The following KCNIP4 variants were observed in gnomAD, a reference collection of about 807,000 sequenced individuals.
KCNIP4 encodes Kv channel-interacting protein 4.
KCNIP4 carries 12 observed loss-of-function variants against 34.0 expected under a neutral mutation model. The ratio of observed to expected loss-of-function variants is 0.35; its 90% CI spans 0.23 to 0.57. The LOEUF is 0.57. Ranked by LOEUF, KCNIP4 falls within the 20% of genes least tolerant of loss-of-function variation. The pLI is 0.83. For synonymous variants in KCNIP4, 124 were observed against 102.2 expected (o/e 1.21, Z -1.29); for missense variants, 238 against 311.7 (o/e 0.76, Z 1.78).
At chr4:21,039,474 A>C (rs1253568414) in intron 1 of KCNIP4, among the ~76,000 whole-genome samples, 1 of 152,148 alleles carries the variant, frequency 6.6e-6, no homozygotes, top group Non-Finnish European at 1.5e-5. Context: ...TCTCCTCTGC[A>C]AGAAACCCTT....
chr4:21,433,399 C>T (rs190790647), intron 1 of KCNIP4, among the ~76,000 whole-genome samples: 14 of 152,058 alleles, frequency 9.2e-5, no homozygotes, highest in East Asian at 7.7e-4. Flanking sequence ...ACCAGGAGTT[C>T]GAGGCCAGCC....
chr4:21,726,912 C>A (rs1450592286), intron 1 of KCNIP4, among the ~76,000 whole-genome samples: 1 of 152,132 alleles, frequency 6.6e-6, no homozygotes, highest in African/African-American at 2.4e-5. Flanking sequence ...AAAGTAGATT[C>A]TTCCATTATT....
intron 1 of KCNIP4, among the ~76,000 whole-genome samples, chr4:21,936,553 A>G (rs568761647): frequency 1.3e-5 from 2 of 152,134 alleles, no homozygotes; most frequent in African/African-American, 2.4e-5. Context: ...GAGAAGTACC[A>G]TATCAACAGA....
chr4:21,097,441 C>A (rs1747563391), intron 1 of KCNIP4, among the ~76,000 whole-genome samples: 1 of 152,032 alleles, frequency 6.6e-6, no homozygotes, highest in Non-Finnish European at 1.5e-5. Context: ...TTTTGGCAAC[C>A]CTGCATGGAG....
chr4:21,838,902 A>T (rs1016138023), intron 1 of KCNIP4, among the ~76,000 whole-genome samples: 2 of 152,234 alleles, frequency 1.3e-5, no homozygotes, highest in Non-Finnish European at 2.9e-5. Flanking sequence ...TACTCATAAT[A>T]GCCACATGAT....
chr4:21,475,796 T>A, intron 1 of KCNIP4, among the ~76,000 whole-genome samples: 1 of 152,226 alleles, frequency 6.6e-6, no homozygotes, highest in East Asian at 1.9e-4. Flanking sequence ...TTTTGACATA[T>A]AAAAATATGT....
chr4:21,624,468 T>C (rs550743826), intron 1 of KCNIP4, among the ~76,000 whole-genome samples: 17 of 152,260 alleles, frequency 1.1e-4, no homozygotes, highest in African/African-American at 4.1e-4. Flanking sequence ...TAACCTAGGA[T>C]GGGATAATTA....
intron 1 of KCNIP4, among the ~76,000 whole-genome samples, chr4:21,913,741 G>C (rs1275899041): frequency 6.6e-6 from 1 of 152,048 alleles, no homozygotes; most frequent in Non-Finnish European, 1.5e-5. Context: ...TGATAACAAG[G>C]ACTATTGAAA....
At chr4:21,234,177 TATATAACGTATATTATATATAAC>T (rs1560198405) in intron 1 of KCNIP4, among the ~76,000 whole-genome samples, 1 of 102,134 alleles carries the variant, frequency 9.8e-6, no homozygotes, top group Non-Finnish European at 1.7e-5. Context: ...ATATATAACA[TATATAACGTATATTATATATAAC>T]ATATATAACG....
At chr4:21,664,962 T>A (rs1748729115) in intron 1 of KCNIP4, among the ~76,000 whole-genome samples, 1 of 152,334 alleles carries the variant, frequency 6.6e-6, no homozygotes, top group East Asian at 1.9e-4. Flanking sequence ...ATGGCTTGAA[T>A]TTCCAGGTCT....
chr4:21,442,575 C>T (rs1436328663), intron 1 of KCNIP4, among the ~76,000 whole-genome samples: 1 of 152,132 alleles, frequency 6.6e-6, no homozygotes, highest in African/African-American at 2.4e-5. Flanking sequence ...TCCAGTTGAC[C>T]ACTCTCTTCT....
intron 1 of KCNIP4, among the ~76,000 whole-genome samples, chr4:21,134,260 T>A (rs897283464): frequency 6.6e-6 from 1 of 152,204 alleles, no homozygotes; most frequent in Non-Finnish European, 1.5e-5. Flanking sequence ...ATGACGAAGA[T>A]GAAGACTTAT....
chr4:21,375,190 T>C (rs1354178602), intron 1 of KCNIP4, among the ~76,000 whole-genome samples: 3 of 145,854 alleles, frequency 2.1e-5, no homozygotes, highest in South Asian at 2.1e-4. Context: ...ATGTAGCCTT[T>C]TATGTTTATT....
intron 1 of KCNIP4, among the ~76,000 whole-genome samples, chr4:21,547,755 T>C (rs1180545480): frequency 1.3e-5 from 2 of 152,240 alleles, no homozygotes; most frequent in African/African-American, 2.4e-5. Flanking sequence ...GATTTTGGAA[T>C]ATTTGCATAC....
intron 5 of KCNIP4, among the ~76,000 whole-genome samples, chr4:20,744,990 G>T (rs1752105180): frequency 6.6e-6 from 1 of 152,108 alleles, no homozygotes; most frequent in African/African-American, 2.4e-5. Flanking sequence ...ATTTGTGGTT[G>T]CCATTTGACT....
At chr4:21,294,254 T>G (rs1763709165) in intron 1 of KCNIP4, among the ~76,000 whole-genome samples, 1 of 152,160 alleles carries the variant, frequency 6.6e-6, no homozygotes, top group Non-Finnish European at 1.5e-5. Context: ...TGATACCTCC[T>G]GAATGCCTGA....
chr4:21,548,477 A>C (rs1738311545), intron 1 of KCNIP4, among the ~76,000 whole-genome samples: 1 of 152,110 alleles, frequency 6.6e-6, no homozygotes, highest in African/African-American at 2.4e-5. Context: ...CTATTTCAAT[A>C]GTTGTAATAA....
chr4:20,933,143 C>T (rs1318218239), intron 1 of KCNIP4, among the ~76,000 whole-genome samples: 1 of 151,978 alleles, frequency 6.6e-6, no homozygotes, highest in Non-Finnish European at 1.5e-5. Flanking sequence ...TACTTCGAGG[C>T]TGAGACAGGA....
chr4:20,952,266 G>C (rs1732862219), intron 1 of KCNIP4, among the ~76,000 whole-genome samples: 1 of 151,830 alleles, frequency 6.6e-6, no homozygotes, highest in Non-Finnish European at 1.5e-5. Context: ...CACAAAAGAA[G>C]AAAGTAAAGA....
Sources: gnomAD v4.1 joint callset for allele counts (sites outside exome capture counted in the v4.1 genomes callset) on GRCh38, gnomAD v4.1.1 for gene constraint, MANE v1.5 for transcripts, NCBI Gene and HGNC (gene_info 2026-07-23, HGNC 2026-07-21) for gene names.